Variants in MYO5C observed in about 807,000 individuals in gnomAD.
The protein encoded by MYO5C is myosin VC.
A neutral mutation model predicts 235.7 loss-of-function variants in MYO5C; 194 were observed. That is an observed-to-expected ratio of 0.82 (90% CI 0.73 to 0.93). The LOEUF is 0.93. Ranked by LOEUF, MYO5C falls within the 40% of genes least tolerant of loss-of-function variation. MYO5C has a pLI of 0.00. For synonymous variants in MYO5C, 707 were observed against 754.8 expected (o/e 0.94, Z 1.04); for missense variants, 2,038 against 2,127.2 (o/e 0.96, Z 0.82).
intron 13 of MYO5C, 118 bp downstream of exon 13, chr15:52,251,272 C>T: frequency 9.9e-7 from 1 of 1,009,802 alleles, no homozygotes; most frequent in Non-Finnish European, 1.4e-6. Flanking sequence ...ACACACTCAT[C>T]AAAGCTACAT....
intron 25 of MYO5C, among the ~76,000 whole-genome samples, chr15:52,227,356 G>A (rs1386190721): frequency 7.1e-6 from 1 of 140,252 alleles, no homozygotes; most frequent in African/African-American, 2.9e-5. Flanking sequence ...TACCTCGCCC[G>A]GCTAATTTTT....
chr15:52,266,416 A>G (rs1316264727), intron 8 of MYO5C, among the ~76,000 whole-genome samples: 1 of 152,242 alleles, frequency 6.6e-6, no homozygotes, highest in Non-Finnish European at 1.5e-5. Flanking sequence ...GCAGAAGAGC[A>G]GAAGAAAGGG....
At chr15:52,240,431 T>C (rs1843605752) in intron 20 of MYO5C, among the ~76,000 whole-genome samples, 1 of 149,922 alleles carries the variant, frequency 6.7e-6, no homozygotes, top group African/African-American at 2.5e-5. Flanking sequence ...ATTAGCCAGG[T>C]GTGGTGGCAC....
At chr15:52,246,895 T>C (rs1412337845) in intron 16 of MYO5C, 22 bp downstream of exon 16, 1 of 1,590,086 alleles carries the variant, frequency 6.3e-7, no homozygotes. Context: ...GTCTTCGCTG[T>C]GTGTTGCATA....
At position 52,247,010 on chromosome 15, in the gene MYO5C, C is replaced by A. The variant is rs369988185; in HGVS notation, c.1886G>T (p.Arg629Leu). The change falls in exon 16 of 41, where the codon CGC (arginine) becomes CTC (leucine). Residue 629 changes from arginine to leucine, a missense_variant. Coordinates refer to ENST00000261839, the MANE Select transcript of MYO5C (RefSeq NM_018728.4). ...HFRTTVGSKF[R>L]SSLYLLMETL... ...CTCCATGAGCAAGTACAGAGAGCTG[C>A]GGAACTAGGAAACAAAGCTAGAGAT... 39 of 1,611,218 alleles carry A rather than the reference C, an allele frequency of 2.4e-5. No homozygotes were observed. Among genetic ancestry groups the A allele is most frequent in the Non-Finnish European group, 3.2e-5 (38 of 1,178,872 alleles).
intron 12 of MYO5C, among the ~76,000 whole-genome samples, chr15:52,252,061 A>G (rs1200284408): frequency 6.6e-6 from 1 of 152,198 alleles, no homozygotes; most frequent in Non-Finnish European, 1.5e-5. Context: ...ACAAATAACA[A>G]TTATATATAT....
chr15:52,219,226 C>T (rs975082341), intron 31 of MYO5C, among the ~76,000 whole-genome samples: 1 of 152,196 alleles, frequency 6.6e-6, no homozygotes, highest in Non-Finnish European at 1.5e-5. Flanking sequence ...AACAAGTTGG[C>T]AACAAAACAG....
intron 36 of MYO5C, among the ~76,000 whole-genome samples, chr15:52,207,129 A>G (rs963592888): frequency 2.0e-5 from 3 of 151,880 alleles, no homozygotes; most frequent in African/African-American, 7.2e-5. Flanking sequence ...TGAGACCCCC[A>G]TCTCAAAAAA....
At chr15:52,232,851 T>C (rs2035997145) in intron 23 of MYO5C, among the ~76,000 whole-genome samples, 166 bp from the exon 24 acceptor site, 1 of 152,192 alleles carries the variant, frequency 6.6e-6, no homozygotes, top group African/African-American at 2.4e-5. Flanking sequence ...GAAATAAAGA[T>C]GAGGGGGTTT....
chr15:52,220,664 CAA>C (rs34771845), intron 30 of MYO5C, among the ~76,000 whole-genome samples: 1 of 142,590 alleles, frequency 7.0e-6, no homozygotes. Flanking sequence ...ACTAAAAATA[CAA>C]AAAAAAAAAA....
intron 25 of MYO5C, among the ~76,000 whole-genome samples, chr15:52,227,297 C>T (rs1490224650): frequency 1.4e-5 from 2 of 147,266 alleles, no homozygotes; most frequent in Non-Finnish European, 1.5e-5. Flanking sequence ...CAGGTTCAAG[C>T]GACCCTCCTG....
rs1235295777 is a variant in MYO5C at position 52,272,652 on chromosome 15, A to T, written c.678T>A (p.Phe226Leu). The change falls in exon 6 of 41, where the codon TTT becomes TTA. Residue 226 changes from phenylalanine to leucine, a missense_variant. Coordinates refer to ENST00000261839, the MANE Select transcript of MYO5C (RefSeq NM_018728.4). ...CTCCTATAATTTGATTTTGTTCATC[A>T]AAACTGATTTCTGTGTATTTCCCAA... ...SRFGKYTEISFDEQNQIIGAN... is the reference protein window; with the variant it reads ...SRFGKYTEISLDEQNQIIGAN... 6.2e-7 allele frequency: 1 copy of T among 1,614,074 alleles called. No individual in the cohort carries two copies. Among genetic ancestry groups the T allele is most frequent in the African/African-American group, 1.3e-5 (1 of 74,934 alleles).
At chr15:52,197,362 G>A (rs967129967) in intron 38 of MYO5C, among the ~76,000 whole-genome samples, 1 of 152,148 alleles carries the variant, frequency 6.6e-6, no homozygotes, top group Non-Finnish European at 1.5e-5. Context: ...CAAACATTAC[G>A]TAAGTGAAAG....
At chr15:52,208,015 C>G (rs533279918) in intron 36 of MYO5C, among the ~76,000 whole-genome samples, 5 of 152,178 alleles carry the variant, frequency 3.3e-5, no homozygotes, top group African/African-American at 1.2e-4. Flanking sequence ...ACATCATACA[C>G]TGCTGGTGGG....
At chr15:52,240,286 T>C (rs1009310325) in intron 20 of MYO5C, among the ~76,000 whole-genome samples, 1 of 152,008 alleles carries the variant, frequency 6.6e-6, no homozygotes, top group Admixed American at 6.6e-5. Flanking sequence ...ACAGTTGCAC[T>C]AGGGCCAGGC....
At chr15:52,197,853 CTTGAA>C (rs1299321858) in intron 38 of MYO5C, among the ~76,000 whole-genome samples, 12 of 151,132 alleles carry the variant, frequency 7.9e-5, no homozygotes, top group African/African-American at 2.9e-4. Context: ...CCAGGCTGGT[CTTGAA>C]CACCTGGCCT....
chr15:52,224,779 T>G, intron 28 of MYO5C, 122 bp downstream of exon 28: 1 of 738,378 alleles, frequency 1.4e-6, no homozygotes. Context: ...TTCTAGTGGT[T>G]ATTCAGTCAT....
At chr15:52,272,035 A>T (rs1008486586) in intron 6 of MYO5C, among the ~76,000 whole-genome samples, 191 bp from the exon 7 acceptor site, 1 of 152,140 alleles carries the variant, frequency 6.6e-6, no homozygotes, top group African/African-American at 2.4e-5. Flanking sequence ...CCTTCCAAGT[A>T]ATGAGCAACC....
chr15:52,287,947 G>C (rs1452894448), intron 1 of MYO5C, among the ~76,000 whole-genome samples: 1 of 151,814 alleles, frequency 6.6e-6, no homozygotes, highest in African/African-American at 2.4e-5. Flanking sequence ...TTGCACTGCA[G>C]CCTGGGTGAC....
Sources: gnomAD v4.1 joint callset for allele counts (sites outside exome capture counted in the v4.1 genomes callset) on GRCh38, gnomAD v4.1.1 for gene constraint, MANE v1.5 for transcripts, NCBI Gene and HGNC (gene_info 2026-07-23, HGNC 2026-07-21) for gene names.